Variants in CEP57 observed in about 807,000 individuals in gnomAD.
CEP57 encodes the protein centrosomal protein 57.
Under a neutral mutation model 68.0 loss-of-function variants are expected in CEP57, and 40 were observed. That is an observed-to-expected ratio of 0.59 (90% CI 0.46 to 0.77). CEP57 has a LOEUF of 0.77. Ranked by LOEUF, CEP57 falls within the 30% of genes least tolerant of loss-of-function variation. The pLI is 0.00. For synonymous variants in CEP57, 219 were observed against 198.7 expected, an observed-to-expected ratio of 1.10 and a Z score of -0.86; for missense variants, 606 against 580.7, an observed-to-expected ratio of 1.04 and a Z score of -0.45.
chr11:95,812,762 T>C, intron 2 of CEP57, 170 bp from the exon 3 acceptor site: 1 of 680,224 alleles, frequency 1.5e-6, no homozygotes, highest in South Asian at 1.6e-5. Context: ...TTAAATTGAT[T>C]TTTTAAAAAA....
Position 95,813,018 on chromosome 11 carries a change from T to G in CEP57, c.289T>G (p.Leu97Val). Reference sequence around the variant, plus strand: ...TCAGGCAGAAGAAAGTGTGAAAACCTTGTCTAGAGAAACAATTGAATATAA... The same window carrying G: ...TCAGGCAGAAGAAAGTGTGAAAACCGTGTCTAGAGAAACAATTGAATATAA... ...RIQAEESVKT[L>V]SRETIEYKKV... The change falls in exon 3 of 11, where the codon TTG becomes GTG. Residue 97 changes from leucine to valine, a missense_variant. Transcript: ENST00000325542. 1 of 1,613,964 alleles carries G rather than the reference T, an allele frequency of 6.2e-7. No individual in the cohort carries two copies. The highest frequency in any genetic ancestry group is 8.5e-7 in the Non-Finnish European group (1 of 1,179,946).
chr11:95,820,901 G>A (rs1343750618), intron 6 of CEP57, among the ~76,000 whole-genome samples: 2 of 152,096 alleles, frequency 1.3e-5, no homozygotes, highest in African/African-American at 4.8e-5. Flanking sequence ...AGAGATTCCT[G>A]TATTCCTTTG....
At chr11:95,806,041 C>T (rs1400219945) in intron 2 of CEP57, among the ~76,000 whole-genome samples, 1 of 152,136 alleles carries the variant, frequency 6.6e-6, no homozygotes, top group Non-Finnish European at 1.5e-5. Context: ...GGAGGAAACA[C>T]CACACCCAAG....
At chr11:95,824,748 G>C (rs1399059314) in intron 8 of CEP57, among the ~76,000 whole-genome samples, 1 of 152,088 alleles carries the variant, frequency 6.6e-6, no homozygotes, top group Non-Finnish European at 1.5e-5. Flanking sequence ...AGAGGAGACG[G>C]GCTAAATCTA....
intron 2 of CEP57, among the ~76,000 whole-genome samples, chr11:95,803,559 C>T (rs1273242819): frequency 8.9e-6 from 1 of 112,768 alleles, no homozygotes; most frequent in Non-Finnish European, 1.7e-5. Context: ...GGTTTGGCCC[C>T]TGCCCCCCCG....
At position 95,832,174 on chromosome 11, in the gene CEP57, T is replaced by A. The variant is rs1475101802; in HGVS notation, c.*918T>A. The A allele has an allele frequency of 6.6e-6, 1 of 152,118 alleles. No individual in the cohort carries two copies. The highest frequency in any genetic ancestry group is 1.5e-5 in the Non-Finnish European group (1 of 67,988). 9.4% of individuals were successfully genotyped at this position (152,118 alleles called of 1,614,324 possible). On this transcript the variant is annotated 3_prime_UTR_variant, in exon 11 of 11. Coordinates refer to ENST00000325542, the MANE Select transcript of CEP57 (RefSeq NM_014679.5). ...GATATAAATCATAATTTCAACTAGA[T>A]CAAGACATGTTAACCTTTTATAAAT...
At chr11:95,803,655 G>A (rs1056895315) in intron 2 of CEP57, among the ~76,000 whole-genome samples, 2 of 142,788 alleles carry the variant, frequency 1.4e-5, no homozygotes, top group African/African-American at 5.2e-5. Flanking sequence ...TGGACTTGAA[G>A]AACATTAGGG....
At chr11:95,830,084 T>C (rs1389018499) in intron 10 of CEP57, among the ~76,000 whole-genome samples, 1 of 152,216 alleles carries the variant, frequency 6.6e-6, no homozygotes, top group South Asian at 2.1e-4. Context: ...TGTTGATTGG[T>C]AGCCATATGA....
chr11:95,800,682 G>T (rs554918402), intron 2 of CEP57, among the ~76,000 whole-genome samples: 1 of 152,102 alleles, frequency 6.6e-6, no homozygotes, highest in African/African-American at 2.4e-5. Flanking sequence ...GAGCTACCGC[G>T]CCTGGCCAAG....
chr11:95,800,540 T>C (rs911018660), intron 2 of CEP57, among the ~76,000 whole-genome samples: 1 of 152,134 alleles, frequency 6.6e-6, no homozygotes, highest in Non-Finnish European at 1.5e-5. Flanking sequence ...TAGCTGGGAC[T>C]ACAGACGCGC....
chr11:95,827,569 T>TG, intron 8 of CEP57: 1 of 551,290 alleles, frequency 1.8e-6, no homozygotes, highest in Admixed American at 3.2e-5. Context: ...TGCAGCTCAA[T>TG]GATGTGTATG....
At chr11:95,811,013 G>C (rs1018489745) in intron 2 of CEP57, among the ~76,000 whole-genome samples, 5 of 152,208 alleles carry the variant, frequency 3.3e-5, no homozygotes, top group African/African-American at 9.6e-5. Context: ...TTCAACCATT[G>C]TGGAAGACTG....
At position 95,790,655 on chromosome 11, in the gene CEP57, T is replaced by C. The variant is rs1860983453; in HGVS notation, c.-44T>C. Reference sequence around the variant, plus strand: ...AGTCTTGGAGAAGAGCACGAGAACCTAGACCGCCCCCGAAGTGCGGAGACC... The same window carrying C: ...AGTCTTGGAGAAGAGCACGAGAACCCAGACCGCCCCCGAAGTGCGGAGACC... On this transcript the variant is annotated 5_prime_UTR_variant, in exon 1 of 11. Transcript: ENST00000325542. The C allele has an allele frequency of 1.2e-6, 2 of 1,607,762 alleles. No homozygotes were observed. Among genetic ancestry groups the C allele is most frequent in the South Asian group, 1.1e-5 (1 of 89,904 alleles).
At chr11:95,827,326 T>G (rs1169396235) in intron 8 of CEP57, 8 of 171,406 alleles carry the variant, frequency 4.7e-5, no homozygotes. Context: ...GCAATTAAAA[T>G]ATGATAAATG....
intron 3 of CEP57, 123 bp from the exon 4 acceptor site, chr11:95,813,345 A>G: frequency 8.3e-7 from 1 of 1,209,464 alleles, no homozygotes; most frequent in Non-Finnish European, 1.2e-6. Flanking sequence ...TAATCTGAAA[A>G]GGCGTCCAGG....
intron 5 of CEP57, 39 bp from the exon 6 acceptor site, chr11:95,818,788 A>G: frequency 1.3e-6 from 2 of 1,527,730 alleles, no homozygotes; most frequent in Middle Eastern, 1.7e-4. Context: ...GACACTTAAG[A>G]TTTTTCACCT....
chr11:95,791,706 T>G (rs1331691382), intron 1 of CEP57, among the ~76,000 whole-genome samples: 1 of 152,180 alleles, frequency 6.6e-6, no homozygotes, highest in Non-Finnish European at 1.5e-5. Context: ...TAGAGAAGGT[T>G]TCCTAGAAGG....
At chr11:95,819,525 C>T (rs1238283213) in intron 6 of CEP57, among the ~76,000 whole-genome samples, 1 of 152,228 alleles carries the variant, frequency 6.6e-6, no homozygotes, top group Non-Finnish European at 1.5e-5. Context: ...GTAAGTCTGA[C>T]TTACAGACTC....
At chr11:95,815,905 T>C (rs974973516) in intron 4 of CEP57, among the ~76,000 whole-genome samples, 1 of 152,250 alleles carries the variant, frequency 6.6e-6, no homozygotes, top group African/African-American at 2.4e-5. Context: ...GCACATTTTA[T>C]GTACCCTGGC....
Sources: allele counts gnomAD v4.1 joint callset (sites outside exome capture counted in the v4.1 genomes callset), GRCh38; gene constraint gnomAD v4.1.1; transcripts MANE v1.5; gene names NCBI Gene and HGNC (gene_info 2026-07-23, HGNC 2026-07-21).